Variants in AP3B2 observed in about 807,000 individuals in gnomAD.
AP3B2 encodes the protein AP-3 complex subunit beta-2.
In AP3B2, 50 loss-of-function variants were observed where a neutral mutation model predicts 126.9. The ratio of observed to expected loss-of-function variants is 0.39; its 90% CI spans 0.31 to 0.50. The LOEUF (loss-of-function observed/expected upper bound fraction) is 0.50, where lower values mean the gene tolerates loss of function less well. AP3B2 is among the 20% of genes least tolerant of loss of function. AP3B2 has a pLI of 0.79. For synonymous variants in AP3B2, 541 were observed against 565.0 expected, an observed-to-expected ratio of 0.96 and a Z score of 0.60; for missense variants, 1,177 against 1,426.4, an observed-to-expected ratio of 0.83 and a Z score of 2.82.
At chr15:82,690,238 T>C (rs564717271) in intron 1 of AP3B2, among the ~76,000 whole-genome samples, 2 of 147,016 alleles carry the variant, frequency 1.4e-5, no homozygotes, top group African/African-American at 4.9e-5. Flanking sequence ...GTACTTTTTT[T>C]TTTCAATTAC....
Position 82,680,180 on chromosome 15 carries a change from G to T in AP3B2, c.1105C>A (p.Arg369Ser). 1 of 1,613,386 alleles carries T rather than the reference G, an allele frequency of 6.2e-7. No homozygotes were observed. Among genetic ancestry groups the T allele is most frequent in the Non-Finnish European group, 8.5e-7 (1 of 1,179,804 alleles). The change falls in exon 9 of 27, where the codon CGC (arginine) becomes AGC (serine). Residue 369 changes from arginine to serine, a missense_variant. Arg to Ser is a moderately radical substitution (Grantham distance 110). Transcript: ENST00000535359. This position sits in a 1 kb window ranked among gnomAD's most constrained non-coding sequence, Gnocchi z 6.1. ...LQNVATMSIKRRGMFEPYLKS... is the reference protein window; with the variant it reads ...LQNVATMSIKSRGMFEPYLKS... ...GCCCGCCGTCGCAGGCTCACCCGGC[G>T]CTTGATGGACATGGTGGCCACGTTC...
At chr15:82,692,539 G>A in intron 1 of AP3B2, 1 of 187,894 alleles carries the variant, frequency 5.3e-6, no homozygotes, top group Non-Finnish European at 1.1e-5. Context: ...GTTTGGGGTG[G>A]GAAAGTATGG....
At chr15:82,666,325 A>G (rs1370549451) in intron 15 of AP3B2, among the ~76,000 whole-genome samples, 2 of 152,252 alleles carry the variant, frequency 1.3e-5, no homozygotes, top group Admixed American at 6.5e-5. Context: ...TGTAGTGACT[A>G]AGCTCACAGA....
At position 82,667,059 on chromosome 15, in the gene AP3B2, C is replaced by G. The variant is rs1310655972; in HGVS notation, c.1666-126G>C. 4.2e-6 allele frequency: 4 copies of G among 954,030 alleles called. No homozygotes were observed. The African/African-American group carries it at 6.6e-5, about 16-fold the overall frequency. 59.1% of individuals were successfully genotyped at this position (954,030 alleles called of 1,614,324 possible). A position where few individuals can be genotyped will look rare whatever the true frequency, so the allele number is the denominator to read the frequency against. On this transcript the variant is annotated intron_variant, in intron 14 of 26. Transcript: ENST00000535359. Reference sequence around the variant, plus strand: ...CTCTCCCTGCTTAGGACCGGCGCTTCCACCCAGCTGTCCCTCCCCACCTGC... The same window carrying G: ...CTCTCCCTGCTTAGGACCGGCGCTTGCACCCAGCTGTCCCTCCCCACCTGC...
intron 1 of AP3B2, among the ~76,000 whole-genome samples, chr15:82,701,407 T>C (rs1370750893): frequency 6.6e-6 from 1 of 152,180 alleles, no homozygotes; most frequent in Non-Finnish European, 1.5e-5. Context: ...AGTCATACAT[T>C]TTAAGAAACA....
intron 1 of AP3B2, among the ~76,000 whole-genome samples, chr15:82,690,639 C>CT (rs2048511675): frequency 3.9e-5 from 4 of 103,452 alleles, no homozygotes; most frequent in African/African-American, 1.6e-4. Context: ...ACATTTTCTT[C>CT]TTCTTTTTTT....
In AP3B2 at chr15:82,663,179, A is replaced by C. The variant is rs1397246766; in HGVS notation, c.2552T>G (p.Leu851Arg). ...VSPPAIVSTSLAADLEGLTLT... is the reference protein window; with the variant it reads ...VSPPAIVSTSRAADLEGLTLT... ...TGTCAGGCCCTCCAGGTCAGCAGCC[A>C]GACTGGTAGACACAATTGCTGGGGG... The change falls in exon 22 of 27, where the codon CTG becomes CGG. Residue 851 changes from leucine (L) to arginine (R), a missense_variant. Physicochemically the swap from Leu to Arg is moderately radical, Grantham distance 102. Around this residue, in one of 5 missense-constraint regions of AP3B2, gnomAD observed 587 missense variants for 571.3 expected, o/e 1.03. Transcript: ENST00000535359. 1 of 1,612,838 alleles carries C rather than the reference A, an allele frequency of 6.2e-7. No individual in the cohort carries two copies. The highest frequency in any genetic ancestry group is 8.5e-7 in the Non-Finnish European group (1 of 1,179,770).
In AP3B2 at chr15:82,681,637, G is replaced by GA. The variant is rs1462267365; in HGVS notation, c.361-58dup. Reference sequence around the variant, plus strand: ...AGGGCACCAGGTGCCCTGATGGGGGGAGGCCACACCTTTGGAAGTCACTGT... The same window carrying GA: ...AGGGCACCAGGTGCCCTGATGGGGGGAAGGCCACACCTTTGGAAGTCACTGT... On this transcript the variant is annotated intron_variant, in intron 4 of 26. Coordinates refer to ENST00000535359, the MANE Select transcript of AP3B2 (RefSeq NM_001278512.2). The surrounding 1 kb of genome is among the most constrained non-coding windows in gnomAD (Gnocchi z 4.0). 4 of 1,569,536 alleles carry GA rather than the reference G, an allele frequency of 2.5e-6. No individual in the cohort carries two copies. In the Admixed American group the frequency reaches 6.9e-5, roughly 27 times the overall value.
At chr15:82,671,804 G>T (rs1327572033) in intron 14 of AP3B2, among the ~76,000 whole-genome samples, 2 of 151,248 alleles carry the variant, frequency 1.3e-5, no homozygotes, top group African/African-American at 4.8e-5. Context: ...AGCACTTTGG[G>T]AGGCCGAGTC....
chr15:82,660,402 G>T (rs1053396385), intron 25 of AP3B2, among the ~76,000 whole-genome samples: 1 of 152,128 alleles, frequency 6.6e-6, no homozygotes, highest in Non-Finnish European at 1.5e-5. Flanking sequence ...CTCACAAAAA[G>T]ATCACAGGTG....
intron 1 of AP3B2, among the ~76,000 whole-genome samples, chr15:82,703,196 C>T (rs1370006306): frequency 6.6e-6 from 1 of 152,040 alleles, no homozygotes; most frequent in Non-Finnish European, 1.5e-5. Context: ...CTGATCACCG[C>T]GAGGATGCCT....
At position 82,676,482 on chromosome 15, in the gene AP3B2, GAGCTTGGCTGCC is replaced by G; in HGVS notation, c.1632_1643del (p.Ala545_Leu548del). The G allele has an allele frequency of 6.2e-7, 1 of 1,614,046 alleles. No homozygotes were observed. Among genetic ancestry groups the G allele is most frequent in the Non-Finnish European group, 8.5e-7 (1 of 1,179,892 alleles). On this transcript the variant is annotated inframe_deletion, in exon 14 of 27. Transcript: ENST00000535359. ...TTACCTGTTTAGAGTTGGTCAGGTA[GAGCTTGGCTGCC>G]AGGTTGATGACCTGCAGCTTGACAA...
chr15:82,695,095 C>CTTT (rs747831776), intron 1 of AP3B2, among the ~76,000 whole-genome samples: 3 of 134,818 alleles, frequency 2.2e-5, no homozygotes, highest in East Asian at 2.2e-4. Context: ...TTCTTTCTTT[C>CTTT]TTTTTTTTTT....
intron 14 of AP3B2, among the ~76,000 whole-genome samples, chr15:82,672,511 T>C (rs1164928089): frequency 6.6e-6 from 1 of 152,106 alleles, no homozygotes; most frequent in Non-Finnish European, 1.5e-5. Context: ...TACAAAATTA[T>C]AGTTAGATAG....
rs560702178 is a variant in AP3B2 at position 82,692,216 on chromosome 15, C to T, written c.114-2763G>A. 1.3e-3 allele frequency: 1,620 copies of T among 1,238,308 alleles called. 26 individuals carry two copies. The South Asian group carries it at 0.02, about 15-fold the overall frequency. The allele number at this position is 1,238,308 out of a possible 1,614,324, so 76.7% of individuals were successfully genotyped here. A position where few individuals can be genotyped will look rare whatever the true frequency, so the allele number is the denominator to read the frequency against. ...CATCTCGGGGGTCCTCAAAGCGCAC[C>T]AAGGCGAAGGGCACAAGGCAGTGCC... On this transcript the variant is annotated intron_variant, in intron 1 of 26. Coordinates refer to ENST00000535359, the MANE Select transcript of AP3B2 (RefSeq NM_001278512.2).
intron 14 of AP3B2, among the ~76,000 whole-genome samples, chr15:82,669,736 A>G (rs1455977671): frequency 1.5e-4 from 22 of 145,602 alleles, no homozygotes; most frequent in African/African-American, 5.6e-4. Context: ...AGTGGCTCAC[A>G]CCTGTAATCC....
In AP3B2 at chr15:82,681,604, G is replaced by C. The variant is rs780537796; in HGVS notation, c.361-24C>G. On this transcript the variant is annotated intron_variant, in intron 4 of 26. Transcript: ENST00000535359. This position sits in a 1 kb window ranked among gnomAD's most constrained non-coding sequence, Gnocchi z 4.0. Reference sequence around the variant, plus strand: ...TCCTAAAGGCAGAGGTGGAGGCAGAGCTATGAAAGGGCACCAGGTGCCCTG... The same window carrying C: ...TCCTAAAGGCAGAGGTGGAGGCAGACCTATGAAAGGGCACCAGGTGCCCTG... The C allele has an allele frequency of 5.5e-5, 88 of 1,607,540 alleles. No individual in the cohort carries two copies. In the East Asian group the frequency reaches 1.9e-3, roughly 34 times the overall value.
At chr15:82,690,231 CT>C (rs957094376) in intron 1 of AP3B2, among the ~76,000 whole-genome samples, 207 of 143,200 alleles carry the variant, frequency 1.4e-3, no homozygotes, top group African/African-American at 4.6e-3. Context: ...AATTGTTGTA[CT>C]TTTTTTTTTC....
intron 1 of AP3B2, among the ~76,000 whole-genome samples, chr15:82,698,835 T>C (rs1354596419): frequency 6.6e-6 from 1 of 152,038 alleles, no homozygotes; most frequent in African/African-American, 2.4e-5. Flanking sequence ...AGTGAGTACA[T>C]TCCAGGCCCC....
Sources: gnomAD v4.1 joint callset for allele counts (sites outside exome capture counted in the v4.1 genomes callset) on GRCh38, gnomAD v4.1.1 for gene constraint, gnomAD v4.1.1 regional missense constraint, Gnocchi (gnomAD v3.1) non-coding constraint, MANE v1.5 for transcripts, NCBI Gene and HGNC (gene_info 2026-07-23, HGNC 2026-07-21) for gene names.